TRPM2: variants seen among roughly 807,000 people sequenced by gnomAD.
The protein encoded by TRPM2 is transient receptor potential cation channel subfamily M member 2.
Under a neutral mutation model 174.0 loss-of-function variants are expected in TRPM2, and 161 were observed. The observed-to-expected ratio is 0.93, with a 90% CI of 0.81 to 1.05. The LOEUF (loss-of-function observed/expected upper bound fraction) is 1.05, where lower values mean the gene tolerates loss of function less well. TRPM2 is among the 50% of genes least tolerant of loss of function. The pLI, the probability that TRPM2 is intolerant of heterozygous loss-of-function variation, is 0.00. For missense variants in TRPM2, 2,057 were observed against 2,038.0 expected, an observed-to-expected ratio of 1.01 and a Z score of -0.18; for synonymous variants, 954 against 861.3, an observed-to-expected ratio of 1.11 and a Z score of -1.88.
At chr21:44,406,195 G>A (rs1018139637) in intron 18 of TRPM2, among the ~76,000 whole-genome samples, 158 bp downstream of exon 18, 21 of 152,182 alleles carry the variant, frequency 1.4e-4, no homozygotes, top group African/African-American at 4.6e-4. Context: ...TGCCCTTCTC[G>A]TATCTTTGCC....
At chr21:44,424,756 C>A in intron 23 of TRPM2, 96 bp from the exon 24 acceptor site, 2 of 728,046 alleles carry the variant, frequency 2.7e-6, no homozygotes, top group South Asian at 2.4e-5. Context: ...AGGGGTGGGG[C>A]TCCTGGCTGG....
intron 2 of TRPM2, among the ~76,000 whole-genome samples, chr21:44,361,814 T>C (rs1189217418): frequency 2.6e-5 from 4 of 152,160 alleles, no homozygotes; most frequent in Admixed American, 1.3e-4. Flanking sequence ...GCTCAGGTGA[T>C]CCTCCCACCT....
In TRPM2 at chr21:44,406,726, T is replaced by C; in HGVS notation, c.2923T>C (p.Tyr975His). 2 of 1,608,088 alleles carry C rather than the reference T, an allele frequency of 1.2e-6. No homozygotes were observed. The highest frequency in any genetic ancestry group is 2.2e-5 in the East Asian group (1 of 44,812). ...WLFRGAVYHSYLTIFGQIPGY... is the reference protein window; with the variant it reads ...WLFRGAVYHSHLTIFGQIPGY... ...GTTCCGAGGGGCCGTCTACCACTCC[T>C]ACCTCACCATCTTCGGGCAGATCCC... The change falls in exon 19 of 32, where the codon TAC becomes CAC. Residue 975 changes from tyrosine to histidine, a missense_variant. Transcript: ENST00000397928.
chr21:44,421,882 A>G (rs1301371118), intron 22 of TRPM2, among the ~76,000 whole-genome samples: 1 of 152,224 alleles, frequency 6.6e-6, no homozygotes, highest in East Asian at 1.9e-4. Flanking sequence ...GTGCCACTGC[A>G]CTGCAGCCTG....
In TRPM2 at chr21:44,399,148, G is replaced by A; in HGVS notation, c.2063-148G>A. Reference sequence around the variant, plus strand: ...CCCTGGGGTCCTCGTCCCTGGGCCTGGGTGTTTTGAGACACCAGCCCCACA... The same window carrying A: ...CCCTGGGGTCCTCGTCCCTGGGCCTAGGTGTTTTGAGACACCAGCCCCACA... On this transcript the variant is annotated intron_variant, in intron 13 of 31. Transcript: ENST00000397928. The surrounding 1 kb of genome is among the most constrained non-coding windows in gnomAD (Gnocchi z 4.6). 1.9e-6 allele frequency: 2 copies of A among 1,048,984 alleles called. No homozygotes were observed. The highest frequency in any genetic ancestry group is 1.9e-5 in the South Asian group (1 of 53,726). 65.0% of individuals were successfully genotyped at this position (1,048,984 alleles called of 1,614,324 possible).
intron 4 of TRPM2, 48 bp from the exon 5 acceptor site, chr21:44,369,129 G>GC (rs1569023811): frequency 7.3e-7 from 1 of 1,366,356 alleles, no homozygotes; most frequent in South Asian, 1.3e-5. Flanking sequence ...CTGGGTGTCA[G>GC]GTGCCCCTCA....
At chr21:44,369,135 CCT>C in intron 4 of TRPM2, 40 bp from the exon 5 acceptor site, 1 of 1,543,204 alleles carries the variant, frequency 6.5e-7, no homozygotes, top group Non-Finnish European at 8.8e-7. Context: ...GTCAGGTGCC[CCT>C]CAGTGCTGTG....
intron 27 of TRPM2, among the ~76,000 whole-genome samples, chr21:44,427,544 G>T (rs560321320): frequency 6.6e-6 from 1 of 152,324 alleles, no homozygotes; most frequent in East Asian, 1.9e-4. Flanking sequence ...CATCACACAG[G>T]TGAGGAAACC....
At chr21:44,360,304 G>A (rs1048458353) in intron 2 of TRPM2, among the ~76,000 whole-genome samples, 3 of 152,192 alleles carry the variant, frequency 2.0e-5, no homozygotes, top group Non-Finnish European at 2.9e-5. Flanking sequence ...GAAGGCTGGC[G>A]ACTCGGGCAG....
chr21:44,369,274 CG>C lies in TRPM2; in HGVS notation c.703del (p.Glu235SerfsTer19). ...FSLSSSYKEGELITIGVATWG... is the reference protein window; with the variant it reads ...FSLSSSYKEGXLITIGVATWG... ...GCCTGAGCAGCAGCTACAAGGAAGG[CG>C]AGCTCATCACCATCGGAGTCGCCAC... On this transcript the variant is annotated frameshift_variant, in exon 5 of 32. Coordinates refer to ENST00000397928, the MANE Select transcript of TRPM2 (RefSeq NM_003307.4). LOFTEE classifies it high-confidence loss of function. 1.2e-6 allele frequency: 2 copies of C among 1,613,822 alleles called. No individual in the cohort carries two copies. The highest frequency in any genetic ancestry group is 1.7e-6 in the Non-Finnish European group (2 of 1,179,936).
intron 27 of TRPM2, among the ~76,000 whole-genome samples, chr21:44,433,715 C>T (rs1046186591): frequency 2.6e-5 from 4 of 152,180 alleles, no homozygotes; most frequent in Admixed American, 6.5e-5. Flanking sequence ...CTGGGCCCCA[C>T]CGTGCAAGGC....
At chr21:44,407,463 T>G (rs917524034) in intron 19 of TRPM2, among the ~76,000 whole-genome samples, 6 of 147,746 alleles carry the variant, frequency 4.1e-5, no homozygotes, top group Admixed American at 2.7e-4. Flanking sequence ...TTTTTTTTTT[T>G]TTTTTTTTTT....
chr21:44,418,341 G>A lies in TRPM2; in HGVS notation c.3329-82G>A, dbSNP rs764132866. 9.5e-5 allele frequency: 149 copies of A among 1,561,968 alleles called. 1 individual carries two copies. The highest frequency in any genetic ancestry group is 1.6e-4 in the South Asian group (14 of 85,210). On this transcript the variant is annotated intron_variant, in intron 21 of 31. Coordinates refer to ENST00000397928, the MANE Select transcript of TRPM2 (RefSeq NM_003307.4). ...CCACTCAGGACTGGCCCCCTCCCAC[G>A]GGGCCCCCCCGGTGGGTCAGGGCTT... is the stretch of plus-strand genomic sequence containing the variant.
intron 17 of TRPM2, among the ~76,000 whole-genome samples, chr21:44,405,608 C>T (rs968403152): frequency 4.6e-5 from 7 of 152,100 alleles, no homozygotes; most frequent in Admixed American, 1.3e-4. Flanking sequence ...GTGATGCTCT[C>T]GTGTCTCTGC....
chr21:44,405,346 C>T (rs1289677187), intron 17 of TRPM2, 86 bp downstream of exon 17: 1 of 1,574,286 alleles, frequency 6.4e-7, no homozygotes, highest in Non-Finnish European at 8.6e-7. Context: ...GAACCAGCCA[C>T]ACCGGGTGAG....
chr21:44,403,558 A>G (rs1242580699), intron 16 of TRPM2, among the ~76,000 whole-genome samples: 2 of 151,844 alleles, frequency 1.3e-5, no homozygotes, highest in African/African-American at 2.4e-5. Context: ...ACACACATAC[A>G]TACATGCATA....
At chr21:44,370,813 G>A (rs926560130) in intron 5 of TRPM2, among the ~76,000 whole-genome samples, 11 of 152,208 alleles carry the variant, frequency 7.2e-5, no homozygotes, top group African/African-American at 2.7e-4. Flanking sequence ...AGCCAGGAGC[G>A]GCTGGGTGAC....
In TRPM2 at chr21:44,375,828, C is replaced by T; in HGVS notation, c.772-5C>T. ...GCAGTGTCTGACGCTTCCTGGCCAT[C>T]CCAGGGCAGCTTCCCCGCCGAGTAC... On this transcript the variant is annotated splice_region_variant and splice_polypyrimidine_tract_variant and intron_variant, in intron 5 of 31. Coordinates refer to ENST00000397928, the MANE Select transcript of TRPM2 (RefSeq NM_003307.4). 6.2e-7 allele frequency: 1 copy of T among 1,609,704 alleles called. No individual in the cohort carries two copies.
Position 44,426,717 on chromosome 21 carries a change from G to T in TRPM2, c.3853G>T (p.Ala1285Ser), listed in dbSNP as rs750087907. The change falls in exon 26 of 32, where the codon GCC becomes TCC. Residue 1285 changes from alanine to serine, a missense_variant. Transcript: ENST00000397928. ...FYTAERKDAA[A>S]MDPMGDTLEP... is the part of the protein sequence containing the mutation. The stretch of plus-strand genomic sequence containing the variant: ...CACGGCAGAGAGGAAGGACGCGGCC[G>T]CCATGGACCCCATGGGAGAGTGAGT... 1.2e-6 allele frequency: 2 copies of T among 1,614,042 alleles called. No individual in the cohort carries two copies. Among genetic ancestry groups the T allele is most frequent in the South Asian group, 2.2e-5 (2 of 91,090 alleles).
Sources: allele counts gnomAD v4.1 joint callset (sites outside exome capture counted in the v4.1 genomes callset), GRCh38; gene constraint gnomAD v4.1.1; non-coding constraint Gnocchi (gnomAD v3.1); transcripts MANE v1.5; gene names NCBI Gene and HGNC (gene_info 2026-07-23, HGNC 2026-07-21).